Variants in HPCAL1 observed in about 807,000 individuals in gnomAD.
HPCAL1 encodes the protein hippocalcin-like protein 1.
Under a neutral mutation model 17.1 loss-of-function variants are expected in HPCAL1, and 8 were observed. That is an observed-to-expected ratio of 0.47 (90% CI 0.27 to 0.84). HPCAL1 has a LOEUF of 0.84. Ranked by LOEUF, HPCAL1 falls within the 40% of genes least tolerant of loss-of-function variation. The pLI is 0.13. For synonymous variants in HPCAL1, 112 were observed against 111.4 expected (o/e 1.01, Z -0.03); for missense variants, 165 against 271.1 (o/e 0.61, Z 2.75).
intron 1 of HPCAL1, among the ~76,000 whole-genome samples, chr2:10,318,894 C>T (rs981708651): frequency 1.3e-5 from 2 of 152,186 alleles, no homozygotes; most frequent in African/African-American, 4.8e-5. Flanking sequence ...CCACCCGTGC[C>T]TTCTCCATGC....
At chr2:10,316,935 TA>T (rs953692887) in intron 1 of HPCAL1, among the ~76,000 whole-genome samples, 7 of 152,194 alleles carry the variant, frequency 4.6e-5, no homozygotes, top group Admixed American at 2.6e-4. Context: ...GATACCACAT[TA>T]AAAAAAATTC....
chr2:10,327,938 C>T (rs2125413542), intron 1 of HPCAL1, among the ~76,000 whole-genome samples: 1 of 152,322 alleles, frequency 6.6e-6, no homozygotes, highest in African/African-American at 2.4e-5. Context: ...ACTGATATAT[C>T]AGAAGCTTCA....
In HPCAL1 at chr2:10,323,743, T is replaced by C. The variant is rs1663816223; in HGVS notation, c.-111+20566T>C. Among the ~76,000 whole-genome samples the C allele has an allele frequency of 1.3e-5, 2 of 152,208 alleles. No homozygotes were observed. Among genetic ancestry groups the C allele is most frequent in the South Asian group, 4.1e-4 (2 of 4,838 alleles). On this transcript the variant is annotated intron_variant, in intron 1 of 4. Transcript: ENST00000307845. This position sits in a 1 kb window ranked among gnomAD's most constrained non-coding sequence, Gnocchi z 4.6. ...CCCACATCCATTCATTCCACAAATA[T>C]TTATGGAGTGCCTACTGTATGCCAG...
intron 1 of HPCAL1, among the ~76,000 whole-genome samples, chr2:10,335,237 A>T (rs1267294088): frequency 6.6e-6 from 1 of 152,238 alleles, no homozygotes; most frequent in Non-Finnish European, 1.5e-5. Context: ...CACTTCTGAC[A>T]TCAGGTTATA....
chr2:10,308,331 TA>T (rs1662751414), intron 1 of HPCAL1, among the ~76,000 whole-genome samples: 1 of 152,300 alleles, frequency 6.6e-6, no homozygotes, highest in South Asian at 2.1e-4. Context: ...TGATTTTCAG[TA>T]AATTAATAGA....
At chr2:10,385,160 C>T (rs980256333) in intron 1 of HPCAL1, among the ~76,000 whole-genome samples, 1 of 152,002 alleles carries the variant, frequency 6.6e-6, no homozygotes, top group Non-Finnish European at 1.5e-5. Context: ...CCACTGAGTG[C>T]GCATGTGAGT....
chr2:10,391,225 G>GC (rs147966149), intron 1 of HPCAL1, among the ~76,000 whole-genome samples: 12,945 of 152,112 alleles, frequency 0.085, 849 homozygotes, highest in East Asian at 0.39. Flanking sequence ...ATTTGAGGCT[G>GC]CCAGGGGGGT....
At chr2:10,374,513 C>T (rs1053151491) in intron 1 of HPCAL1, among the ~76,000 whole-genome samples, 2 of 152,264 alleles carry the variant, frequency 1.3e-5, no homozygotes, top group African/African-American at 2.4e-5. Flanking sequence ...CCTGCCTGCC[C>T]TCAGGGAGCT....
At chr2:10,316,033 C>T (rs1280561393) in intron 1 of HPCAL1, among the ~76,000 whole-genome samples, 1 of 152,112 alleles carries the variant, frequency 6.6e-6, no homozygotes, top group Non-Finnish European at 1.5e-5. Context: ...CAGAGTCTTC[C>T]AGGAAATTTA....
chr2:10,405,581 A>G (rs1446313290), intron 2 of HPCAL1, among the ~76,000 whole-genome samples: 2 of 152,320 alleles, frequency 1.3e-5, no homozygotes, highest in East Asian at 3.9e-4. Flanking sequence ...GAATTTGCAG[A>G]CGGAATTCTG....
At chr2:10,402,806 C>A (rs971384897) in intron 2 of HPCAL1, among the ~76,000 whole-genome samples, 26 of 152,114 alleles carry the variant, frequency 1.7e-4, no homozygotes, top group African/African-American at 6.3e-4. Flanking sequence ...AGAGCCCTCC[C>A]ACCTTGAGCT....
rs1447304711 is a variant in HPCAL1, at chr2:10,354,063, C to T, written c.-110-42772C>T. Among the ~76,000 whole-genome samples the T allele has an allele frequency of 6.6e-6, 1 of 152,174 alleles. No homozygotes were observed. The highest frequency in any genetic ancestry group is 6.5e-5 in the Admixed American group (1 of 15,288). On this transcript the variant is annotated intron_variant, in intron 1 of 4. Coordinates refer to ENST00000307845, the MANE Select transcript of HPCAL1 (RefSeq NM_002149.4). The surrounding 1 kb of genome is among the most constrained non-coding windows in gnomAD (Gnocchi z 5.1). ...GGTTTTGTGATGTGATCTGTCATCT[C>T]CTCTGGGCTTGCATTTCTCCAGTGA...
intron 1 of HPCAL1, among the ~76,000 whole-genome samples, chr2:10,391,228 A>AG (rs1020280850): frequency 6.6e-6 from 1 of 151,424 alleles, no homozygotes; most frequent in Non-Finnish European, 1.5e-5. Context: ...TGAGGCTGCC[A>AG]GGGGGGTTTG....
At chr2:10,369,610 CAGAG>C in intron 1 of HPCAL1, among the ~76,000 whole-genome samples, 2 of 152,328 alleles carry the variant, frequency 1.3e-5, no homozygotes, top group African/African-American at 4.8e-5. Flanking sequence ...GGGCTCCAGG[CAGAG>C]GGAGGTGGGC....
At chr2:10,364,487 C>A (rs1416895148) in intron 1 of HPCAL1, among the ~76,000 whole-genome samples, 1 of 151,990 alleles carries the variant, frequency 6.6e-6, no homozygotes. Flanking sequence ...GGAGGCCGAT[C>A]GGGTGTCCCG....
chr2:10,426,445 C>G lies in HPCAL1; in HGVS notation c.485-279C>G, dbSNP rs1301495999. Reference sequence around the variant, plus strand: ...TAATAAGCGAAGTGTGGGGTGATTTCTAAAAGGATTTAAATGGCCCTCATC... The same window carrying G: ...TAATAAGCGAAGTGTGGGGTGATTTGTAAAAGGATTTAAATGGCCCTCATC... On this transcript the variant is annotated intron_variant, in intron 4 of 4. Transcript: ENST00000307845. 7 of 412,424 alleles carry G rather than the reference C, an allele frequency of 1.7e-5. No individual in the cohort carries two copies. The East Asian group carries it at 2.9e-4, about 17-fold the overall frequency. 25.5% of individuals were successfully genotyped at this position (412,424 alleles called of 1,614,324 possible).
intron 1 of HPCAL1, among the ~76,000 whole-genome samples, chr2:10,353,834 T>C (rs532448673): frequency 2.4e-4 from 36 of 152,198 alleles, no homozygotes; most frequent in Non-Finnish European, 4.4e-4. Flanking sequence ...AGTTCTGGGA[T>C]TACAGGCGTG....
chr2:10,398,217 G>A (rs1373682983), intron 2 of HPCAL1, among the ~76,000 whole-genome samples: 1 of 152,240 alleles, frequency 6.6e-6, no homozygotes, highest in Non-Finnish European at 1.5e-5. Context: ...AGCCCCATCT[G>A]GCCATGCCCA....
In HPCAL1 at chr2:10,330,500, G is replaced by T. The variant is rs1664294752; in HGVS notation, c.-111+27323G>T. ...ATTCTTTTTTTTTTACAGTATTGGA[G>T]GCTGATGTCTGAGACAGGGTGGCGG... On this transcript the variant is annotated intron_variant, in intron 1 of 4. Coordinates refer to ENST00000307845, the MANE Select transcript of HPCAL1 (RefSeq NM_002149.4). This position sits in a 1 kb window ranked among gnomAD's most constrained non-coding sequence, Gnocchi z 4.2. Among the ~76,000 whole-genome samples the T allele has an allele frequency of 6.6e-6, 1 of 151,974 alleles. No individual in the cohort carries two copies. Among genetic ancestry groups the T allele is most frequent in the African/African-American group, 2.4e-5 (1 of 41,348 alleles).
Sources: gnomAD v4.1 joint callset for allele counts (sites outside exome capture counted in the v4.1 genomes callset) on GRCh38, gnomAD v4.1.1 for gene constraint, Gnocchi (gnomAD v3.1) non-coding constraint, MANE v1.5 for transcripts, NCBI Gene and HGNC (gene_info 2026-07-23, HGNC 2026-07-21) for gene names.